ARHGEF18: variants seen among roughly 807,000 people sequenced by gnomAD.
The protein encoded by ARHGEF18 is rho guanine nucleotide exchange factor 18.
ARHGEF18 carries 93 observed loss-of-function variants against 155.7 expected under a neutral mutation model. That is an observed-to-expected ratio of 0.60 (90% CI 0.50 to 0.71). The LOEUF is 0.71. ARHGEF18 is among the 30% of genes least tolerant of loss of function. The pLI is 0.00. For missense variants in ARHGEF18, 1,593 were observed against 1,816.1 expected (o/e 0.88, Z 2.23); for synonymous variants, 742 against 753.1 (o/e 0.99, Z 0.24).
At position 7,373,571 on chromosome 19, in the gene ARHGEF18, G is replaced by A. The variant is rs1292116976; in HGVS notation, c.275+500G>A. Among the ~76,000 whole-genome samples the A allele has an allele frequency of 2.6e-5, 4 of 151,838 alleles. No homozygotes were observed. In the East Asian group the frequency reaches 7.8e-4, roughly 29 times the overall value. On this transcript the variant is annotated intron_variant, in intron 3 of 28. Coordinates refer to ENST00000668164, the MANE Select transcript of ARHGEF18 (RefSeq NM_001367823.1). The stretch of plus-strand genomic sequence containing the variant: ...GCTCACTGCAATCTCCGCCTCCTGG[G>A]TTCAAGCGATTCTCCTGCCTCAGCC...
chr19:7,380,517 T>TA (rs994349402), intron 7 of ARHGEF18, among the ~76,000 whole-genome samples: 10 of 145,364 alleles, frequency 6.9e-5, no homozygotes, highest in African/African-American at 1.3e-4. Context: ...AGTACTTGGT[T>TA]AAAAAAAAAA....
Position 7,441,987 on chromosome 19 carries a change from C to T in ARHGEF18, c.1295C>T (p.Ala432Val), listed in dbSNP as rs200966278. ...HEFEAESWSL[A>V]VDAAYAKKQK... ...TTTGAAGCTGAGTCCTGGAGCCTCG[C>T]CGTGGATGCAGCCTACGCCAAGAAG... is the stretch of plus-strand genomic sequence containing the variant. The change falls in exon 13 of 29, where the codon GCC (alanine) becomes GTC (valine). Residue 432 changes from alanine to valine, a missense_variant. Ala to Val is a moderately conservative substitution (Grantham distance 64). Coordinates refer to ENST00000668164, the MANE Select transcript of ARHGEF18 (RefSeq NM_001367823.1). 6.7e-5 allele frequency: 108 copies of T among 1,614,078 alleles called. No homozygotes were observed. The East Asian group carries it at 2.3e-3, about 34-fold the overall frequency.
At chr19:7,369,188 G>A (rs1028854597) in intron 2 of ARHGEF18, among the ~76,000 whole-genome samples, 1 of 151,848 alleles carries the variant, frequency 6.6e-6, no homozygotes, top group Non-Finnish European at 1.5e-5. Flanking sequence ...TTAGGCGGGT[G>A]CAGTGACTCA....
chr19:7,442,873 T>A (rs1429320041), intron 13 of ARHGEF18, among the ~76,000 whole-genome samples: 1 of 152,034 alleles, frequency 6.6e-6, no homozygotes, highest in Non-Finnish European at 1.5e-5. Flanking sequence ...CACAAGGTCT[T>A]CATGGTCTTT....
intron 10 of ARHGEF18, among the ~76,000 whole-genome samples, chr19:7,434,389 AT>A (rs1265759536): frequency 6.6e-6 from 1 of 151,944 alleles, no homozygotes; most frequent in Non-Finnish European, 1.5e-5. Context: ...AATAGGGTAT[AT>A]TTTTTCCCCC....
chr19:7,407,083 A>T (rs1426086283), intron 10 of ARHGEF18, among the ~76,000 whole-genome samples: 1 of 147,660 alleles, frequency 6.8e-6, no homozygotes, highest in Admixed American at 6.8e-5. Flanking sequence ...AAAAAAAAAA[A>T]GGTTATAGCC....
chr19:7,355,636 C>G, intron 1 of ARHGEF18: 1 of 985,490 alleles, frequency 1.0e-6, no homozygotes, highest in Non-Finnish European at 1.2e-6. Context: ...CCATGGCTGA[C>G]TCGGTGCTCA....
downstream of ARHGEF18, among the ~76,000 whole-genome samples, chr19:7,474,093 C>G (rs555889950): frequency 1.3e-5 from 2 of 151,822 alleles, no homozygotes; most frequent in South Asian, 2.1e-4. Context: ...AATCCCAGCA[C>G]TTTGGGAGGC....
rs529772965 is a variant in ARHGEF18, at chr19:7,439,680, G to A, written c.968-664G>A. 107 of 1,209,596 alleles carry A rather than the reference G, an allele frequency of 8.8e-5. 1 individual carries two copies. In the African/African-American group the frequency reaches 1.2e-3, roughly 14 times the overall value. The allele number at this position is 1,209,596 out of a possible 1,614,324, so 74.9% of individuals were successfully genotyped here. A position where few individuals can be genotyped will look rare whatever the true frequency, so the allele number is the denominator to read the frequency against. The stretch of plus-strand genomic sequence containing the variant: ...ATTCTGTTCGAGTGCTGATGACCAG[G>A]GGCGGCTAAACACCATGCCCTGCCA... On this transcript the variant is annotated intron_variant, in intron 10 of 28. Transcript: ENST00000668164.
intron 17 of ARHGEF18, 67 bp downstream of exon 17, chr19:7,453,782 G>T: frequency 6.8e-7 from 1 of 1,477,468 alleles, no homozygotes; most frequent in South Asian, 1.5e-5. Context: ...GTCTTGGAGT[G>T]GTGGGCACTG....
chr19:7,402,647 A>G (rs1374953833), intron 10 of ARHGEF18, among the ~76,000 whole-genome samples: 3 of 152,156 alleles, frequency 2.0e-5, no homozygotes, highest in Non-Finnish European at 4.4e-5. Flanking sequence ...AGTGGCAGGA[A>G]GACTGGGGGG....
At position 7,423,479 on chromosome 19, in the gene ARHGEF18, C is replaced by T; in HGVS notation, c.968-16865C>T. On this transcript the variant is annotated intron_variant, in intron 10 of 28. Coordinates refer to ENST00000668164, the MANE Select transcript of ARHGEF18 (RefSeq NM_001367823.1). ...CTTTGGGAGGCCGAGGCGAGCGGATCACTTGAGGCCAGGAGTTTGAGACCA... is the reference window on the plus strand; with the variant it reads ...CTTTGGGAGGCCGAGGCGAGCGGATTACTTGAGGCCAGGAGTTTGAGACCA... 1.3e-5 allele frequency among the ~76,000 whole-genome samples: 2 copies of T among 152,070 alleles called. 1 individual carries two copies. Among genetic ancestry groups the T allele is most frequent in the East Asian group, 3.9e-4 (2 of 5,186 alleles).
chr19:7,470,819 G>C lies in ARHGEF18; in HGVS notation c.*521G>C, dbSNP rs55650638. 1.5e-5 allele frequency: 6 copies of C among 401,110 alleles called. No individual in the cohort carries two copies. The Admixed American group carries it at 2.6e-4, about 18-fold the overall frequency. The allele number at this position is 401,110 out of a possible 1,614,324, so 24.8% of individuals were successfully genotyped here. ...CAGCATCTGTCCCCAGAATCAGGCA[G>C]AATCCACTTCCCAAACAGAGCCCCA... is the stretch of plus-strand genomic sequence containing the variant. On this transcript the variant is annotated 3_prime_UTR_variant, in exon 29 of 29. Transcript: ENST00000668164. This position sits in a 1 kb window ranked among gnomAD's most constrained non-coding sequence, Gnocchi z 5.9.
Position 7,460,008 on chromosome 19 carries a change from A to T in ARHGEF18, c.2452+14A>T, listed in dbSNP as rs202109386. On this transcript the variant is annotated intron_variant, in intron 20 of 28. Coordinates refer to ENST00000668164, the MANE Select transcript of ARHGEF18 (RefSeq NM_001367823.1). ...GGGACTTTCAAGGTGAGCGGGAGAC[A>T]GCGTCTGGGCACACCCCTTGTGTGG... is the stretch of plus-strand genomic sequence containing the variant. The T allele has an allele frequency of 1.5e-4, 239 of 1,560,998 alleles. 1 individual carries two copies. The African/African-American group carries it at 3.1e-3, about 20-fold the overall frequency.
At chr19:7,478,336 T>C in the ARHGEF18 span, 1 of 1,610,896 alleles carries the variant, frequency 6.2e-7, no homozygotes, top group South Asian at 1.1e-5. Context: ...GCCGTGGGGC[T>C]CCGCAGCCTC....
rs10401415 is a variant in ARHGEF18, at chr19:7,439,881, G to T, written c.968-463G>T. 0.34 allele frequency: 489,687 copies of T among 1,448,448 alleles called. 84,451 individuals are homozygous for T. The highest frequency in any genetic ancestry group is 0.44 in the Middle Eastern group (1,775 of 4,040). 89.7% of individuals were successfully genotyped at this position (1,448,448 alleles called of 1,614,324 possible). ...AAAGACCAAGGGAGAGCCTGGAGGG[G>T]TTGTTTTTTTTTTCTGTTTTATTCT... On this transcript the variant is annotated intron_variant, in intron 10 of 28. Coordinates refer to ENST00000668164, the MANE Select transcript of ARHGEF18 (RefSeq NM_001367823.1).
intron 15 of ARHGEF18, among the ~76,000 whole-genome samples, chr19:7,448,436 T>C (rs902162944): frequency 4.0e-5 from 6 of 151,868 alleles, no homozygotes; most frequent in Non-Finnish European, 7.4e-5. Flanking sequence ...CCAAGGCGGG[T>C]GGATCACGAG....
At chr19:7,449,060 G>A (rs1018285910) in intron 15 of ARHGEF18, among the ~76,000 whole-genome samples, 14 of 152,170 alleles carry the variant, frequency 9.2e-5, no homozygotes, top group Non-Finnish European at 1.5e-4. Flanking sequence ...TTTTGGAGCC[G>A]CAGTTCCTCA....
Position 7,463,939 on chromosome 19 carries a change from A to C in ARHGEF18, c.2757A>C (p.Thr919=), listed in dbSNP as rs772936987. ...AGACCTTCGCGGGCTACGACTGCAC[A>C]AACAGCCCCACCAAGAGTAAGAGCG... ...RAETFAGYDC[T]NSPTKNGSFK... The change falls in exon 22 of 29, where the codon ACA becomes ACC. Residue 919 remains threonine, a synonymous_variant. Transcript: ENST00000668164. This position sits in a 1 kb window ranked among gnomAD's most constrained non-coding sequence, Gnocchi z 5.2. 6.9e-6 allele frequency: 11 copies of C among 1,592,026 alleles called. No individual in the cohort carries two copies. The Admixed American group carries it at 1.9e-4, about 28-fold the overall frequency.
Sources: gnomAD v4.1 joint callset for allele counts (sites outside exome capture counted in the v4.1 genomes callset) on GRCh38, gnomAD v4.1.1 for gene constraint, Gnocchi (gnomAD v3.1) non-coding constraint, MANE v1.5 for transcripts, NCBI Gene and HGNC (gene_info 2026-07-23, HGNC 2026-07-21) for gene names.